Variants in SLIT3 observed in about 807,000 individuals in gnomAD.
SLIT3 encodes the protein slit homolog 3 protein.
SLIT3 carries 68 observed loss-of-function variants against 184.0 expected under a neutral mutation model. The ratio of observed to expected loss-of-function variants is 0.37; its 90% CI spans 0.30 to 0.45. SLIT3 has a LOEUF of 0.45. SLIT3 is among the 20% of genes least tolerant of loss of function. SLIT3 has a pLI of 1.00. For missense variants in SLIT3, 1,707 were observed against 2,026.0 expected, an observed-to-expected ratio of 0.84 and a Z score of 3.02; for synonymous variants, 831 against 828.6, an observed-to-expected ratio of 1.00 and a Z score of -0.05.
At chr5:168,755,389 A>ATTTCTTTCTTTCTTTCCTTTC (rs1754860723) in intron 16 of SLIT3, among the ~76,000 whole-genome samples, 6 of 133,774 alleles carry the variant, frequency 4.5e-5, no homozygotes, top group African/African-American at 1.5e-4. Flanking sequence ...CAGTGCCGCC[A>ATTTCTTTCTTTCTTTCCTTTC]TTTCTTTCTT....
chr5:168,810,727 C>T (rs994406010), intron 8 of SLIT3, among the ~76,000 whole-genome samples: 5 of 152,164 alleles, frequency 3.3e-5, no homozygotes, highest in African/African-American at 1.2e-4. Context: ...CCCCCTGGAC[C>T]ATGGCCTGAT....
intron 4 of SLIT3, among the ~76,000 whole-genome samples, chr5:168,995,251 A>G (rs557023438): frequency 4.1e-4 from 63 of 152,334 alleles, no homozygotes; most frequent in African/African-American, 1.5e-3. Flanking sequence ...ACAGCAGAAG[A>G]ATGTTCACAA....
At chr5:169,150,231 T>C (rs1311873505) in intron 4 of SLIT3, among the ~76,000 whole-genome samples, 1 of 152,238 alleles carries the variant, frequency 6.6e-6, no homozygotes, top group Non-Finnish European at 1.5e-5. Context: ...TATCCTGTTG[T>C]AGTCCAGATC....
chr5:169,237,416 C>T (rs1765241026), intron 3 of SLIT3, among the ~76,000 whole-genome samples: 1 of 152,176 alleles, frequency 6.6e-6, no homozygotes. Context: ...CCCTCTTCTG[C>T]TCTGAATCCC....
intron 12 of SLIT3, among the ~76,000 whole-genome samples, chr5:168,776,756 CAG>C (rs1491412632): frequency 6.6e-6 from 1 of 152,098 alleles, no homozygotes; most frequent in Non-Finnish European, 1.5e-5. Context: ...AGCAGAGAAA[CAG>C]GGAGAAAAGC....
chr5:168,945,469 C>T (rs1036859035), intron 4 of SLIT3, among the ~76,000 whole-genome samples: 45 of 152,278 alleles, frequency 3.0e-4, no homozygotes, highest in African/African-American at 9.1e-4. Context: ...AACTCCTGAC[C>T]TTATGATCTG....
chr5:169,020,414 G>C (rs1019735924), intron 4 of SLIT3, among the ~76,000 whole-genome samples: 12 of 152,108 alleles, frequency 7.9e-5, no homozygotes, highest in Non-Finnish European at 1.8e-4. Context: ...TGAACCTACT[G>C]CTGAAAGTGG....
chr5:169,028,337 C>T (rs942669214), intron 4 of SLIT3, among the ~76,000 whole-genome samples: 3 of 152,170 alleles, frequency 2.0e-5, no homozygotes, highest in Non-Finnish European at 4.4e-5. Flanking sequence ...CAGGGTCATA[C>T]ATGTCCCAGA....
At chr5:168,776,748 C>G (rs1367685146) in intron 12 of SLIT3, among the ~76,000 whole-genome samples, 1 of 152,136 alleles carries the variant, frequency 6.6e-6, no homozygotes, top group Non-Finnish European at 1.5e-5. Flanking sequence ...TGTGATAGAG[C>G]AGAGAAACAG....
At chr5:168,700,515 G>C (rs1762183797) in intron 27 of SLIT3, 67 bp downstream of exon 27, 1 of 1,102,820 alleles carries the variant, frequency 9.1e-7, no homozygotes, top group African/African-American at 1.5e-5. Flanking sequence ...CCCAGTCTTG[G>C]GTATGTCTTT....
intron 4 of SLIT3, among the ~76,000 whole-genome samples, chr5:169,071,111 G>A (rs1277209194): frequency 1.3e-5 from 2 of 152,130 alleles, no homozygotes; most frequent in Non-Finnish European, 2.9e-5. Flanking sequence ...TAATTAAGAG[G>A]CTATATGCCC....
At chr5:169,141,431 T>G (rs1410292035) in intron 4 of SLIT3, among the ~76,000 whole-genome samples, 6 of 152,020 alleles carry the variant, frequency 3.9e-5, no homozygotes, top group African/African-American at 9.7e-5. Context: ...TTTGTTTTTT[T>G]TTTTGTTTTT....
At chr5:168,899,458 G>A (rs963073543) in intron 4 of SLIT3, among the ~76,000 whole-genome samples, 1 of 152,096 alleles carries the variant, frequency 6.6e-6, no homozygotes, top group Non-Finnish European at 1.5e-5. Context: ...AGGTTACAAT[G>A]AGCTGTGATC....
chr5:169,097,564 T>G (rs1392633294), intron 4 of SLIT3, among the ~76,000 whole-genome samples: 1 of 152,158 alleles, frequency 6.6e-6, no homozygotes, highest in Non-Finnish European at 1.5e-5. Flanking sequence ...TTGGGACAGT[T>G]TGGAGAACTG....
chr5:168,910,824 C>T lies in SLIT3; in HGVS notation c.414-27488G>A, dbSNP rs142955346. On this transcript the variant is annotated intron_variant, in intron 4 of 35. Coordinates refer to ENST00000519560, the MANE Select transcript of SLIT3 (RefSeq NM_003062.4). ...TGGTAATAACAAACATATCTGTATG[C>T]TTGATCAGAATGCCTTCTGCAAAGA... Among the ~76,000 whole-genome samples the T allele has an allele frequency of 3.8e-4, 58 of 152,076 alleles. 1 individual carries two copies. In the East Asian group the frequency reaches 0.01, roughly 27 times the overall value.
intron 5 of SLIT3, among the ~76,000 whole-genome samples, chr5:168,878,205 T>A (rs1759810971): frequency 6.6e-6 from 1 of 152,200 alleles, no homozygotes; most frequent in Non-Finnish European, 1.5e-5. Flanking sequence ...AGGCAAGTAG[T>A]GGAGAATGAG....
intron 4 of SLIT3, among the ~76,000 whole-genome samples, chr5:169,150,929 C>T (rs554082161): frequency 4.4e-4 from 67 of 152,278 alleles, no homozygotes; most frequent in Admixed American, 1.2e-3. Context: ...GAAATTAATT[C>T]TCCAGTAATT....
intron 3 of SLIT3, among the ~76,000 whole-genome samples, chr5:169,202,807 C>T (rs1007259299): frequency 2.6e-5 from 4 of 151,750 alleles, no homozygotes; most frequent in East Asian, 1.9e-4. Context: ...CACCCCTGCC[C>T]GCAACACACA....
chr5:169,260,261 A>C (rs1237091850), intron 1 of SLIT3, among the ~76,000 whole-genome samples: 1 of 152,156 alleles, frequency 6.6e-6, no homozygotes, highest in Non-Finnish European at 1.5e-5. Context: ...TTCATTTACC[A>C]CCAGCAAAGA....
Sources: allele counts gnomAD v4.1 joint callset (sites outside exome capture counted in the v4.1 genomes callset), GRCh38; gene constraint gnomAD v4.1.1; transcripts MANE v1.5; gene names NCBI Gene and HGNC (gene_info 2026-07-23, HGNC 2026-07-21).